ENTHD1: variants seen among roughly 807,000 people sequenced by gnomAD.
ENTHD1 encodes ENTH domain containing 1, also known as ENTH domain-containing protein 1.
ENTHD1 carries 23 observed loss-of-function variants against 39.1 expected under a neutral mutation model. The observed-to-expected ratio is 0.59, with a 90% CI of 0.42 to 0.83. The LOEUF (loss-of-function observed/expected upper bound fraction) is 0.83. Ranked by LOEUF, ENTHD1 falls within the 40% of genes least tolerant of loss-of-function variation. The pLI, the probability that ENTHD1 is intolerant of heterozygous loss-of-function variation, is 0.00. For synonymous variants in ENTHD1, 230 were observed against 258.2 expected (o/e 0.89, Z 1.05); for missense variants, 624 against 705.4 (o/e 0.88, Z 1.31).
At chr22:39,790,247 C>T (rs1264169771) in intron 5 of ENTHD1, among the ~76,000 whole-genome samples, 8 of 152,090 alleles carry the variant, frequency 5.3e-5, no homozygotes, top group Non-Finnish European at 1.5e-5. Context: ...AAGAGGGCTC[C>T]ATGGAGCACA....
intron 5 of ENTHD1, among the ~76,000 whole-genome samples, chr22:39,803,199 C>T (rs113063368): frequency 6.6e-6 from 1 of 152,250 alleles, no homozygotes; most frequent in African/African-American, 2.4e-5. Flanking sequence ...CCACCATCCC[C>T]TCGTTTGCTA....
chr22:39,805,851 C>T (rs1028503739), intron 5 of ENTHD1, among the ~76,000 whole-genome samples: 1 of 152,058 alleles, frequency 6.6e-6, no homozygotes, highest in African/African-American at 2.4e-5. Context: ...CCTTTGGGCA[C>T]ACTTGAGGTC....
chr22:39,820,209 A>G (rs2065771536), intron 5 of ENTHD1, among the ~76,000 whole-genome samples: 1 of 152,174 alleles, frequency 6.6e-6, no homozygotes, highest in Non-Finnish European at 1.5e-5. Flanking sequence ...GATATTATAG[A>G]TCTATATAAG....
In ENTHD1 at chr22:39,778,866, G is replaced by A. The variant is rs910043025; in HGVS notation, c.833-13257C>T. Among the ~76,000 whole-genome samples the A allele has an allele frequency of 1.3e-5, 2 of 152,138 alleles. 1 individual carries two copies. The highest frequency in any genetic ancestry group is 1.3e-4 in the Admixed American group (2 of 15,270). On this transcript the variant is annotated intron_variant, in intron 5 of 6. Transcript: ENST00000325157. ...ACAAATATTTTTGAGGACAGACCAT[G>A]TACTACAAACGTGCCCAAGAATACA...
At chr22:39,872,866 T>C (rs1325545832) in intron 2 of ENTHD1, among the ~76,000 whole-genome samples, 1 of 151,728 alleles carries the variant, frequency 6.6e-6, no homozygotes, top group Admixed American at 6.6e-5. Context: ...TTTTTTTTTT[T>C]AGAGACAGGG....
intron 5 of ENTHD1, among the ~76,000 whole-genome samples, chr22:39,771,592 A>G (rs1471154666): frequency 6.6e-6 from 1 of 152,204 alleles, no homozygotes; most frequent in Non-Finnish European, 1.5e-5. Context: ...AAGTACCCAG[A>G]GAAAGATGAC....
At chr22:39,798,043 C>T (rs969303084) in intron 5 of ENTHD1, among the ~76,000 whole-genome samples, 1 of 152,126 alleles carries the variant, frequency 6.6e-6, no homozygotes, top group Non-Finnish European at 1.5e-5. Context: ...TTGGTCTCTT[C>T]ACCTTCTTGA....
At chr22:39,847,382 A>C (rs1329864495) in intron 3 of ENTHD1, among the ~76,000 whole-genome samples, 1 of 51,408 alleles carries the variant, frequency 1.9e-5, no homozygotes, top group Non-Finnish European at 3.4e-5. Context: ...GGGTGGGGGG[A>C]GGGGGGAGGG....
At chr22:39,757,014 C>CA (rs36089325) in intron 6 of ENTHD1, among the ~76,000 whole-genome samples, 7,200 of 129,368 alleles carry the variant, frequency 0.056, 357 homozygotes, top group African/African-American at 0.14. Flanking sequence ...CAATTTCTAC[C>CA]AAAAAAAAAA....
At chr22:39,770,217 T>G (rs909372007) in intron 5 of ENTHD1, among the ~76,000 whole-genome samples, 23 of 152,176 alleles carry the variant, frequency 1.5e-4, no homozygotes, top group African/African-American at 5.3e-4. Context: ...CATACCGTGT[T>G]CATACTTTGC....
chr22:39,835,766 A>G lies in ENTHD1; in HGVS notation c.711+74T>C, dbSNP rs570081224. ...GTCAGGCTTCTAACCTACAGAAGAT[A>G]ATAAATTTGTTTGTTTTAAGGCACA... On this transcript the variant is annotated intron_variant, in intron 4 of 6. Coordinates refer to ENST00000325157, the MANE Select transcript of ENTHD1 (RefSeq NM_152512.4). The G allele has an allele frequency of 3.6e-5, 38 of 1,053,378 alleles. No individual in the cohort carries two copies. The African/African-American group carries it at 5.7e-4, about 16-fold the overall frequency. The allele number at this position is 1,053,378 out of a possible 1,614,324, so 65.3% of individuals were successfully genotyped here.
At chr22:39,812,836 G>T (rs2065702287) in intron 5 of ENTHD1, among the ~76,000 whole-genome samples, 1 of 152,150 alleles carries the variant, frequency 6.6e-6, no homozygotes, top group African/African-American at 2.4e-5. Context: ...AGGCTGCAGT[G>T]CAGTGGCACA....
At chr22:39,848,541 A>T (rs575449108) in intron 3 of ENTHD1, among the ~76,000 whole-genome samples, 27 of 152,254 alleles carry the variant, frequency 1.8e-4, no homozygotes, top group African/African-American at 6.3e-4. Context: ...CATGAGCCAC[A>T]GCGCCCGGCC....
At chr22:39,756,246 T>C (rs1336692824) in intron 6 of ENTHD1, among the ~76,000 whole-genome samples, 2 of 152,046 alleles carry the variant, frequency 1.3e-5, no homozygotes, top group East Asian at 1.9e-4. Flanking sequence ...TTTCACCCTA[T>C]TAAGAATTTG....
chr22:39,851,091 G>A (rs2066034156), intron 3 of ENTHD1, among the ~76,000 whole-genome samples: 1 of 151,798 alleles, frequency 6.6e-6, no homozygotes. Context: ...TTAAATCATA[G>A]TCTTGCTGGT....
chr22:39,850,190 G>A (rs868403003), intron 3 of ENTHD1, among the ~76,000 whole-genome samples: 1 of 152,006 alleles, frequency 6.6e-6, no homozygotes, highest in Non-Finnish European at 1.5e-5. Flanking sequence ...TACTATGATG[G>A]TAGATATTTC....
At chr22:39,858,033 C>G (rs531167825) in intron 3 of ENTHD1, among the ~76,000 whole-genome samples, 3 of 152,284 alleles carry the variant, frequency 2.0e-5, no homozygotes, top group African/African-American at 7.2e-5. Context: ...CATCAACTGA[C>G]TCTTCCTTTC....
chr22:39,888,892 A>C (rs2066405296), intron 1 of ENTHD1, among the ~76,000 whole-genome samples: 1 of 152,184 alleles, frequency 6.6e-6, no homozygotes, highest in East Asian at 1.9e-4. Flanking sequence ...ATATTCTGAG[A>C]GTAATTAAAA....
chr22:39,747,311 T>C (rs2065113363), intron 6 of ENTHD1, among the ~76,000 whole-genome samples: 1 of 152,174 alleles, frequency 6.6e-6, no homozygotes, highest in African/African-American at 2.4e-5. Flanking sequence ...AAATTCTCTT[T>C]GTTTAGCACC....
Sources: allele counts gnomAD v4.1 joint callset (sites outside exome capture counted in the v4.1 genomes callset), GRCh38; gene constraint gnomAD v4.1.1; transcripts MANE v1.5; gene names NCBI Gene and HGNC (gene_info 2026-07-23, HGNC 2026-07-21).